The following NDUFAF3 variants were observed in gnomAD, a reference collection of about 807,000 sequenced individuals.
The protein encoded by NDUFAF3 is NADH:ubiquinone oxidoreductase complex assembly factor 3.
NDUFAF3 carries 21 observed loss-of-function variants against 22.6 expected under a neutral mutation model. That is an observed-to-expected ratio of 0.93 (90% CI 0.66 to 1.34). The LOEUF (loss-of-function observed/expected upper bound fraction) is 1.34, where lower values mean the gene tolerates loss of function less well. Among genes scored for constraint, NDUFAF3 ranks in the 40% most tolerant of loss-of-function variants. The probability of loss-of-function intolerance (pLI) is 0.00; values close to 1 mark genes in which losing one functional copy is unlikely to be tolerated. For synonymous variants in NDUFAF3, 113 were observed against 104.9 expected (o/e 1.08, Z -0.47); for missense variants, 251 against 248.4 (o/e 1.01, Z -0.07).
chr3:49,022,113 C>A, upstream of NDUFAF3: 1 of 1,596,246 alleles, frequency 6.3e-7, no homozygotes, highest in Non-Finnish European at 8.5e-7. The surrounding 1 kb of genome is among the most constrained non-coding windows in gnomAD (Gnocchi z 6.6). Flanking sequence ...ACTAACGGCG[C>A]CGGTGACGAC....
chr3:49,023,169 A>G lies in NDUFAF3; in HGVS notation c.552A>G (p.Gln184=), dbSNP rs1426477796. 6.2e-6 allele frequency: 10 copies of G among 1,612,166 alleles called. 1 individual carries two copies. Among genetic ancestry groups the G allele is most frequent in the African/African-American group, 4.0e-5 (3 of 74,880 alleles). The part of the protein sequence containing the change: ...TSLTSLGQAA[Q] ...TTACATCTTTGGGCCAAGCTGCTCA[A>G]TGAACCGCCAGGAACTGACCTGCTG... The change falls in exon 5 of 5, where the codon CAA becomes CAG. Residue 184 remains glutamine (Q), a synonymous_variant. Coordinates refer to ENST00000326925, the MANE Select transcript of NDUFAF3 (RefSeq NM_199069.2).
At position 49,022,562 on chromosome 3, in the gene NDUFAF3, A is replaced by T. The variant is rs374382905; in HGVS notation, c.270+24A>T. The T allele has an allele frequency of 8.1e-5, 131 of 1,613,320 alleles. No individual in the cohort carries two copies. In the African/African-American group the frequency reaches 1.6e-3, roughly 20 times the overall value. ...ACGTGAGTCCTGGCCCGCAGTGTGG[A>T]AACTGAGGCCCAGAGTCACAGGCCC... On this transcript the variant is annotated intron_variant, in intron 2 of 4. Transcript: ENST00000326925. The surrounding 1 kb of genome is among the most constrained non-coding windows in gnomAD (Gnocchi z 6.6).
At position 49,023,086 on chromosome 3, in the gene NDUFAF3, TGTCATGAAGGCCGA is replaced by T. The variant is rs2093178633; in HGVS notation, c.472_485del (p.His158AsnfsTer31). The T allele has an allele frequency of 1.2e-6, 2 of 1,614,056 alleles. No individual in the cohort carries two copies. Among genetic ancestry groups the T allele is most frequent in the South Asian group, 2.2e-5 (2 of 91,092 alleles). ...TGCCTGTGCCACCTTCAACTTCCTG[TGTCATGAAGGCCGA>T]GTAACTGGAGCTGCTCTCATCCCTC... On this transcript the variant is annotated frameshift_variant, in exon 5 of 5. Transcript: ENST00000326925. LOFTEE classifies it high-confidence loss of function.
Position 49,022,573 on chromosome 3 carries a change from C to T in NDUFAF3, c.270+35C>T, listed in dbSNP as rs144881760. ...GGCCCGCAGTGTGGAAACTGAGGCC[C>T]AGAGTCACAGGCCCTCACCCTGCTT... On this transcript the variant is annotated intron_variant, in intron 2 of 4. Coordinates refer to ENST00000326925, the MANE Select transcript of NDUFAF3 (RefSeq NM_199069.2). The surrounding 1 kb of genome is among the most constrained non-coding windows in gnomAD (Gnocchi z 6.6). 29 of 1,613,318 alleles carry T rather than the reference C, an allele frequency of 1.8e-5. No homozygotes were observed. The highest frequency in any genetic ancestry group is 2.5e-5 in the Non-Finnish European group (29 of 1,179,852).
At position 49,022,303 on chromosome 3, in the gene NDUFAF3, C is replaced by T. The variant is rs1288564683; in HGVS notation, c.78-43C>T. ...GCCCAGCACCTTCCGGCCTCTCGGG[C>T]TGCCCGGCCCGGCCCCGCGCCCCTG... On this transcript the variant is annotated intron_variant, in intron 1 of 4. Coordinates refer to ENST00000326925, the MANE Select transcript of NDUFAF3 (RefSeq NM_199069.2). The surrounding 1 kb of genome is among the most constrained non-coding windows in gnomAD (Gnocchi z 6.6). 17 of 1,606,772 alleles carry T rather than the reference C, an allele frequency of 1.1e-5. No individual in the cohort carries two copies. The highest frequency in any genetic ancestry group is 1.4e-5 in the Non-Finnish European group (17 of 1,178,038).
Position 49,023,230 on chromosome 3 carries a change from TTATC to T in NDUFAF3, c.*61_*64del, listed in dbSNP as rs2093179892. 2 of 1,243,418 alleles carry T rather than the reference TTATC, an allele frequency of 1.6e-6. No homozygotes were observed. The highest frequency in any genetic ancestry group is 3.0e-5 in the African/African-American group (2 of 67,456). The allele number at this position is 1,243,418 out of a possible 1,614,324, so 77.0% of individuals were successfully genotyped here. A position where few individuals can be genotyped will look rare whatever the true frequency, so the allele number is the denominator to read the frequency against. ...GCCAGGCTTCCCAATGCTTTCACTC[TTATC>T]TACCCTTTGGCACTTATCTTGCTTA... On this transcript the variant is annotated 3_prime_UTR_variant, in exon 5 of 5. Transcript: ENST00000326925.
chr3:49,020,884 C>T (rs551140383), upstream of NDUFAF3: 9 of 285,428 alleles, frequency 3.2e-5, no homozygotes, highest in South Asian at 2.5e-4. Flanking sequence ...TGGGGGCCTC[C>T]CCTGGGACCG....
Position 49,022,984 on chromosome 3 carries a change from C to G in NDUFAF3, c.438+8C>G, listed in dbSNP as rs1310531856. The G allele has an allele frequency of 3.1e-6, 5 of 1,614,076 alleles. No homozygotes were observed. Among genetic ancestry groups the G allele is most frequent in the Non-Finnish European group, 4.2e-6 (5 of 1,179,996 alleles). ...GTGGAAGTGCAGGACACGGTGAGTC[C>G]CGGGACTGGGGCATGCTGCGGGGAG... On this transcript the variant is annotated splice_region_variant and intron_variant, in intron 4 of 4. Coordinates refer to ENST00000326925, the MANE Select transcript of NDUFAF3 (RefSeq NM_199069.2). This position sits in a 1 kb window ranked among gnomAD's most constrained non-coding sequence, Gnocchi z 6.6.
chr3:49,020,745 A>G (rs1371521777), upstream of NDUFAF3: 1 of 460,170 alleles, frequency 2.2e-6, no homozygotes, highest in South Asian at 1.6e-5. Context: ...CCCCCAGGTC[A>G]CTCGCCCTGG....
chr3:49,022,007 C>T (rs2093162610), upstream of NDUFAF3: 4 of 891,988 alleles, frequency 4.5e-6, no homozygotes, highest in East Asian at 7.9e-5. The surrounding 1 kb of genome is among the most constrained non-coding windows in gnomAD (Gnocchi z 6.6). Context: ...AGGACACTCG[C>T]CTGCTGGGCC....
At chr3:49,021,545 C>G (rs974339848), upstream of NDUFAF3, 1 of 156,114 alleles carries the variant, frequency 6.4e-6, no homozygotes, top group Non-Finnish European at 1.4e-5. The surrounding 1 kb of genome is among the most constrained non-coding windows in gnomAD (Gnocchi z 4.1). Context: ...GGAGAAACCA[C>G]CTGGCCACGC....
Position 49,022,357 on chromosome 3 carries a change from G to A in NDUFAF3, c.89G>A (p.Arg30Gln), listed in dbSNP as rs750112053. The change falls in exon 2 of 5, where the codon CGA (arginine) becomes CAA (glutamine). Residue 30 changes from arginine (R) to glutamine (Q), a missense_variant. Transcript: ENST00000326925. The surrounding 1 kb of genome is among the most constrained non-coding windows in gnomAD (Gnocchi z 6.6). Reference sequence around the variant, plus strand: ...CTTTCCCTCCGCAGGGCCCCGCGGCGAGGGCATCGGCTCTCGCCGGCGGAT... The same window carrying A: ...CTTTCCCTCCGCAGGGCCCCGCGGCAAGGGCATCGGCTCTCGCCGGCGGAT... ...PPVELPWAPR[R>Q]GHRLSPADDE... The A allele has an allele frequency of 5.6e-6, 9 of 1,612,148 alleles. No individual in the cohort carries two copies. The South Asian group carries it at 8.8e-5, about 16-fold the overall frequency.
chr3:49,023,316 G>C lies in NDUFAF3; in HGVS notation c.*144G>C. On this transcript the variant is annotated 3_prime_UTR_variant, in exon 5 of 5. Coordinates refer to ENST00000326925, the MANE Select transcript of NDUFAF3 (RefSeq NM_199069.2). ...TTGTATCAGGTGTGTTGCTGGCCAG[G>C]AGCTGATGGCTCACTGGGCTCTTGG... 3 of 762,044 alleles carry C rather than the reference G, an allele frequency of 3.9e-6. No homozygotes were observed. The South Asian group carries it at 4.3e-5, about 11-fold the overall frequency. The allele number at this position is 762,044 out of a possible 1,614,324, so 47.2% of individuals were successfully genotyped here. A position where few individuals can be genotyped will look rare whatever the true frequency, so the allele number is the denominator to read the frequency against.
At position 49,022,717 on chromosome 3, in the gene NDUFAF3, G is replaced by A. The variant is rs754979072; in HGVS notation, c.286G>A (p.Asp96Asn). 5.0e-6 allele frequency: 8 copies of A among 1,614,096 alleles called. No homozygotes were observed. Among genetic ancestry groups the A allele is most frequent in the Non-Finnish European group, 6.8e-6 (8 of 1,180,038 alleles). The change falls in exon 3 of 5, where the codon GAC becomes AAC. Residue 96 changes from aspartate (D) to asparagine (N), a missense_variant. Physicochemically the swap from Asp to Asn is conservative, Grantham distance 23. Coordinates refer to ENST00000326925, the MANE Select transcript of NDUFAF3 (RefSeq NM_199069.2). The surrounding 1 kb of genome is among the most constrained non-coding windows in gnomAD (Gnocchi z 6.6). ...VVQWNVGSHQDITEDSFSLFW... is the reference protein window; with the variant it reads ...VVQWNVGSHQNITEDSFSLFW... ...CCCTGCACAGGTGGGATCCCACCAGGACATCACCGAAGACAGCTTTTCCCT... is the reference window on the plus strand; with the variant it reads ...CCCTGCACAGGTGGGATCCCACCAGAACATCACCGAAGACAGCTTTTCCCT...
intron 4 of NDUFAF3, 23 bp from the exon 5 acceptor site, chr3:49,023,030 GGCT>G: frequency 6.2e-7 from 1 of 1,613,968 alleles, no homozygotes; most frequent in Non-Finnish European, 8.5e-7. Flanking sequence ...GCGCTAGACA[GGCT>G]GATGCTGGCC....
In NDUFAF3 at chr3:49,022,293, G is replaced by C; in HGVS notation, c.78-53G>C. Reference sequence around the variant, plus strand: ...GCGACTGCCAGCCCAGCACCTTCCGGCCTCTCGGGCTGCCCGGCCCGGCCC... The same window carrying C: ...GCGACTGCCAGCCCAGCACCTTCCGCCCTCTCGGGCTGCCCGGCCCGGCCC... On this transcript the variant is annotated intron_variant, in intron 1 of 4. Transcript: ENST00000326925. This position sits in a 1 kb window ranked among gnomAD's most constrained non-coding sequence, Gnocchi z 6.6. The C allele has an allele frequency of 1.9e-6, 3 of 1,606,710 alleles. No homozygotes were observed. In the South Asian group the frequency reaches 3.3e-5, roughly 18 times the overall value.
At chr3:49,021,808 A>C, upstream of NDUFAF3, 1 of 378,600 alleles carries the variant, frequency 2.6e-6, no homozygotes. This position sits in a 1 kb window ranked among gnomAD's most constrained non-coding sequence, Gnocchi z 4.1. Context: ...CCGCCCCGGG[A>C]GCGCGGCTTA....
rs768148365 is a variant in NDUFAF3 at position 49,022,848 on chromosome 3, T to C, written c.338-28T>C. The C allele has an allele frequency of 1.4e-5, 23 of 1,613,290 alleles. No homozygotes were observed. The East Asian group carries it at 1.6e-4, about 11-fold the overall frequency. On this transcript the variant is annotated intron_variant, in intron 3 of 4. Transcript: ENST00000326925. This position sits in a 1 kb window ranked among gnomAD's most constrained non-coding sequence, Gnocchi z 6.6. ...CCACTGCAGCCTCTCAACAGAACTG[T>C]AGACTAGCCACACCCACCCTTCCCT...
At chr3:49,021,614 G>A (rs1042420466), upstream of NDUFAF3, 2 of 158,730 alleles carry the variant, frequency 1.3e-5, no homozygotes, top group Non-Finnish European at 2.8e-5. This position sits in a 1 kb window ranked among gnomAD's most constrained non-coding sequence, Gnocchi z 4.1. Context: ...CGCGCGCTGC[G>A]GAGAGGCCAA....
Sources: gnomAD v4.1 joint callset for allele counts on GRCh38, gnomAD v4.1.1 for gene constraint, Gnocchi (gnomAD v3.1) non-coding constraint, MANE v1.5 for transcripts, NCBI Gene and HGNC (gene_info 2026-07-23, HGNC 2026-07-21) for gene names.